Variants in CCDC25 observed in about 807,000 individuals in gnomAD.
CCDC25 encodes the protein coiled-coil domain-containing protein 25.
A neutral mutation model predicts 35.3 loss-of-function variants in CCDC25; 16 were observed. The observed-to-expected ratio is 0.45, with a 90% CI of 0.31 to 0.69. CCDC25 has a LOEUF of 0.69. Ranked by LOEUF, CCDC25 falls within the 30% of genes least tolerant of loss-of-function variation. The pLI is 0.06. For synonymous variants in CCDC25, 79 were observed against 80.3 expected, an observed-to-expected ratio of 0.98 and a Z score of 0.09; for missense variants, 179 against 250.7, an observed-to-expected ratio of 0.71 and a Z score of 1.93.
intron 6 of CCDC25, 108 bp from the exon 7 acceptor site, chr8:27,748,387 A>G: frequency 7.6e-7 from 1 of 1,318,300 alleles, no homozygotes; most frequent in South Asian, 1.2e-5. Context: ...TCCCTTTAGA[A>G]AACATATATC....
chr8:27,751,662 G>A (rs1388414901), intron 5 of CCDC25, among the ~76,000 whole-genome samples: 2 of 152,030 alleles, frequency 1.3e-5, no homozygotes, highest in South Asian at 2.1e-4. Flanking sequence ...ACCTCTACCC[G>A]ATCTAGACCT....
intron 8 of CCDC25, among the ~76,000 whole-genome samples, chr8:27,738,119 G>A (rs1803305853): frequency 6.6e-6 from 1 of 152,098 alleles, no homozygotes; most frequent in Non-Finnish European, 1.5e-5. Flanking sequence ...AGGGGGAAGA[G>A]TGGGAGGGGG....
At position 27,772,617 on chromosome 8, in the gene CCDC25, G is replaced by A. The variant is rs868528431; in HGVS notation, c.-77C>T. ...ACGAAGCTCAGGATACCAGACTCGC[G>A]GCGGCCGCCTGGCCCCCGGAACTCC... On this transcript the variant is annotated 5_prime_UTR_variant, in exon 1 of 9. Coordinates refer to ENST00000356537, the MANE Select transcript of CCDC25 (RefSeq NM_018246.3). The A allele has an allele frequency of 5.5e-6, 8 of 1,460,964 alleles. No individual in the cohort carries two copies. The highest frequency in any genetic ancestry group is 4.9e-5 in the South Asian group (4 of 81,768). The allele number at this position is 1,460,964 out of a possible 1,614,324, so 90.5% of individuals were successfully genotyped here. A position where few individuals can be genotyped will look rare whatever the true frequency, so the allele number is the denominator to read the frequency against.
rs1376028753 is a variant in CCDC25 at position 27,735,938 on chromosome 8, G to A, written c.*278C>T. 1 of 322,868 alleles carries A rather than the reference G, an allele frequency of 3.1e-6. No homozygotes were observed. The highest frequency in any genetic ancestry group is 5.6e-6 in the Non-Finnish European group (1 of 177,862). The allele number at this position is 322,868 out of a possible 1,614,324, so 20.0% of individuals were successfully genotyped here. ...ATTTTAAAGTCTATCTCAAGAACAA[G>A]GGCAGCCTGCTTTCACAAGGTACCA... On this transcript the variant is annotated 3_prime_UTR_variant, in exon 9 of 9. Transcript: ENST00000356537.
intron 1 of CCDC25, 150 bp from the exon 2 acceptor site, chr8:27,765,401 C>T: frequency 1.7e-6 from 1 of 603,454 alleles, no homozygotes. Context: ...TTGGACAGCC[C>T]TTGAGCTAAG....
At chr8:27,742,968 T>C (rs1389816763) in intron 7 of CCDC25, among the ~76,000 whole-genome samples, 3 of 152,216 alleles carry the variant, frequency 2.0e-5, no homozygotes, top group African/African-American at 7.2e-5. Context: ...CTGACATCTT[T>C]TTGGAGATCT....
At chr8:27,766,958 T>C (rs1250790421) in intron 1 of CCDC25, among the ~76,000 whole-genome samples, 6 of 152,254 alleles carry the variant, frequency 3.9e-5, no homozygotes, top group African/African-American at 1.4e-4. Flanking sequence ...TTTATTTTTA[T>C]ATAAGCACAT....
intron 7 of CCDC25, among the ~76,000 whole-genome samples, chr8:27,744,772 A>T (rs1803551983): frequency 6.6e-6 from 1 of 152,176 alleles, no homozygotes; most frequent in African/African-American, 2.4e-5. Context: ...ACGATAGACT[A>T]TTGGCTTCAG....
In CCDC25 at chr8:27,737,172, C is replaced by T. The variant is rs949433527; in HGVS notation, c.598-927G>A. Among the ~76,000 whole-genome samples, 12 of 152,078 alleles carry T rather than the reference C, an allele frequency of 7.9e-5. No individual in the cohort carries two copies. The highest frequency in any genetic ancestry group is 2.9e-4 in the African/African-American group (12 of 41,406). On this transcript the variant is annotated intron_variant, in intron 8 of 8. Coordinates refer to ENST00000356537, the MANE Select transcript of CCDC25 (RefSeq NM_018246.3). This position sits in a 1 kb window ranked among gnomAD's most constrained non-coding sequence, Gnocchi z 4.6. Reference sequence around the variant, plus strand: ...TCTCTGTGGTTCTCTTCCATTAGCACGATGAACTGAAGCCAAGGTAAAAAT... The same window carrying T: ...TCTCTGTGGTTCTCTTCCATTAGCATGATGAACTGAAGCCAAGGTAAAAAT...
intron 3 of CCDC25, among the ~76,000 whole-genome samples, chr8:27,757,208 C>T (rs1384811779): frequency 6.6e-6 from 1 of 152,094 alleles, no homozygotes; most frequent in Non-Finnish European, 1.5e-5. Context: ...CCAATGCTGC[C>T]AGCCTGGGAG....
At chr8:27,740,362 A>C (rs1803392864) in intron 8 of CCDC25, 110 bp downstream of exon 8, 3 of 1,059,470 alleles carry the variant, frequency 2.8e-6, no homozygotes, top group Non-Finnish European at 4.2e-6. Context: ...TTGCCAAATC[A>C]TGGTTAGCTA....
intron 1 of CCDC25, among the ~76,000 whole-genome samples, chr8:27,770,625 G>A (rs1273982795): frequency 2.0e-5 from 3 of 151,494 alleles, no homozygotes; most frequent in Non-Finnish European, 4.4e-5. Flanking sequence ...TGTAATCCCA[G>A]CTACACAGGA....
chr8:27,744,723 G>A (rs1444977770), intron 7 of CCDC25, among the ~76,000 whole-genome samples: 3 of 152,130 alleles, frequency 2.0e-5, no homozygotes, highest in African/African-American at 7.2e-5. Flanking sequence ...CCTTGACTCT[G>A]GCCTTGCCAG....
intron 7 of CCDC25, among the ~76,000 whole-genome samples, chr8:27,745,659 C>T (rs1313956964): frequency 3.3e-5 from 5 of 152,186 alleles, no homozygotes; most frequent in Admixed American, 6.5e-5. Context: ...TGGAATTTCA[C>T]AGATGCTGCA....
chr8:27,753,070 T>C (rs1482326755), intron 4 of CCDC25: 1 of 152,774 alleles, frequency 6.5e-6, no homozygotes, highest in African/African-American at 2.4e-5. Context: ...AGGAAAAAAG[T>C]TATTGTTGTG....
intron 2 of CCDC25, among the ~76,000 whole-genome samples, chr8:27,764,055 T>C (rs1256030100): frequency 6.6e-6 from 1 of 152,190 alleles, no homozygotes; most frequent in African/African-American, 2.4e-5. Context: ...CCTGAAAGCT[T>C]TTCAGTGAAA....
At chr8:27,765,495 C>T (rs914849035) in intron 1 of CCDC25, among the ~76,000 whole-genome samples, 1 of 151,972 alleles carries the variant, frequency 6.6e-6, no homozygotes, top group African/African-American at 2.4e-5. Context: ...ACTCACAAAG[C>T]CTAAAATATT....
In CCDC25 at chr8:27,769,632, G is replaced by C. The variant is rs536363192; in HGVS notation, c.28+2881C>G. On this transcript the variant is annotated intron_variant, in intron 1 of 8. Coordinates refer to ENST00000356537, the MANE Select transcript of CCDC25 (RefSeq NM_018246.3). ...TGTTTCTAGTAATTTTAATAATATG[G>C]GTAAAACAAACCACATGTACAGAGA... Among the ~76,000 whole-genome samples the C allele has an allele frequency of 2.7e-3, 414 of 152,168 alleles. 4 individuals are homozygous for C. The highest frequency in any genetic ancestry group is 5.0e-3 in the Non-Finnish European group (339 of 68,008).
chr8:27,752,594 C>A lies in CCDC25; in HGVS notation c.169-7G>T. On this transcript the variant is annotated splice_region_variant and splice_polypyrimidine_tract_variant and intron_variant, in intron 4 of 8. Coordinates refer to ENST00000356537, the MANE Select transcript of CCDC25 (RefSeq NM_018246.3). Reference sequence around the variant, plus strand: ...TGTCTTCTATATTCTCTCCCTGAAACACAAAAATAAACCAATTGGTCCACT... The same window carrying A: ...TGTCTTCTATATTCTCTCCCTGAAAAACAAAAATAAACCAATTGGTCCACT... 1 of 1,611,608 alleles carries A rather than the reference C, an allele frequency of 6.2e-7. No individual in the cohort carries two copies. Among genetic ancestry groups the A allele is most frequent in the African/African-American group, 1.3e-5 (1 of 74,930 alleles).
Sources: allele counts gnomAD v4.1 joint callset (sites outside exome capture counted in the v4.1 genomes callset), GRCh38; gene constraint gnomAD v4.1.1; non-coding constraint Gnocchi (gnomAD v3.1); transcripts MANE v1.5; gene names NCBI Gene and HGNC (gene_info 2026-07-23, HGNC 2026-07-21).